PDE8A: variants seen among roughly 807,000 people sequenced by gnomAD.
PDE8A encodes the protein phosphodiesterase 8A.
In PDE8A, 59 loss-of-function variants were observed where a neutral mutation model predicts 105.0. The ratio of observed to expected loss-of-function variants is 0.56; its 90% confidence interval spans 0.46 to 0.70. The LOEUF (loss-of-function observed/expected upper bound fraction) is 0.70. Among genes scored for constraint, PDE8A ranks in the 30% least tolerant of loss-of-function variants. The pLI is 0.00. For missense variants in PDE8A, 1,014 were observed against 1,045.9 expected (o/e 0.97, Z 0.42); for synonymous variants, 355 against 371.9 (o/e 0.95, Z 0.52).
intron 1 of PDE8A, among the ~76,000 whole-genome samples, chr15:85,000,465 A>T (rs541240319): frequency 6.6e-6 from 1 of 152,346 alleles, no homozygotes; most frequent in East Asian, 1.9e-4. Flanking sequence ...TTGGGTAATC[A>T]CATGGTTTTG....
intron 12 of PDE8A, among the ~76,000 whole-genome samples, chr15:85,112,301 G>A (rs2082032488): frequency 6.6e-6 from 1 of 151,940 alleles, no homozygotes; most frequent in Admixed American, 6.6e-5. Flanking sequence ...TTTTTTTGTG[G>A]TGAGAACACT....
chr15:85,115,329 T>G, intron 14 of PDE8A, 110 bp from the exon 15 acceptor site: 12 of 668,652 alleles, frequency 1.8e-5, no homozygotes, highest in Non-Finnish European at 1.8e-5. Context: ...CTTGAGTGCA[T>G]TGGTGGAGAG....
At chr15:84,996,178 AT>A (rs903551972) in intron 1 of PDE8A, among the ~76,000 whole-genome samples, 7 of 135,884 alleles carry the variant, frequency 5.2e-5, no homozygotes, top group African/African-American at 1.9e-4. Flanking sequence ...TGTTTTTAAA[AT>A]TTTTTTTAAT....
chr15:85,084,070 A>G (rs1282734940), intron 6 of PDE8A, among the ~76,000 whole-genome samples: 1 of 150,898 alleles, frequency 6.6e-6, no homozygotes, highest in Admixed American at 6.6e-5. Context: ...TTTTTTTTTA[A>G]GTGACATGAG....
At chr15:85,036,761 A>G (rs2080713364) in intron 1 of PDE8A, among the ~76,000 whole-genome samples, 1 of 152,312 alleles carries the variant, frequency 6.6e-6, no homozygotes, top group East Asian at 1.9e-4. Flanking sequence ...GGAGGGACAC[A>G]GTAGAAGAAT....
At chr15:85,047,870 T>A (rs541930193) in intron 1 of PDE8A, among the ~76,000 whole-genome samples, 1 of 152,208 alleles carries the variant, frequency 6.6e-6, no homozygotes, top group South Asian at 2.1e-4. Flanking sequence ...ATACATACTT[T>A]TTACTCATGC....
chr15:85,048,367 T>C (rs2080919737), intron 1 of PDE8A, among the ~76,000 whole-genome samples: 1 of 152,170 alleles, frequency 6.6e-6, no homozygotes, highest in South Asian at 2.1e-4. Flanking sequence ...TTATTTTTTA[T>C]CTATTTGATC....
chr15:85,004,513 A>AC (rs2080114727), intron 1 of PDE8A, among the ~76,000 whole-genome samples: 1 of 152,184 alleles, frequency 6.6e-6, no homozygotes, highest in African/African-American at 2.4e-5. Flanking sequence ...GTGAAGTCCT[A>AC]CCAAACCTTT....
intron 5 of PDE8A, among the ~76,000 whole-genome samples, chr15:85,081,113 C>T (rs1431540685): frequency 2.6e-5 from 4 of 152,316 alleles, no homozygotes; most frequent in Middle Eastern, 6.8e-3. Context: ...GGGATTCTCC[C>T]AGTCATGGCT....
intron 1 of PDE8A, among the ~76,000 whole-genome samples, chr15:85,061,931 G>C (rs1326584772): frequency 2.0e-5 from 3 of 152,038 alleles, no homozygotes; most frequent in African/African-American, 4.8e-5. Context: ...TTCAGCTCCA[G>C]AAATTATTTT....
chr15:85,011,731 A>G (rs918191636), intron 1 of PDE8A, among the ~76,000 whole-genome samples: 5 of 152,228 alleles, frequency 3.3e-5, no homozygotes. Flanking sequence ...CTGCACAGCA[A>G]AAGAAACTAC....
intron 11 of PDE8A, 46 bp downstream of exon 11, chr15:85,100,244 GA>G (rs770158474): frequency 1.2e-5 from 19 of 1,527,256 alleles, no homozygotes; most frequent in South Asian, 4.6e-5. Flanking sequence ...AGTTTTTGGA[GA>G]AAAAAAATAA....
chr15:84,995,137 C>T (rs1435930296), intron 1 of PDE8A, among the ~76,000 whole-genome samples: 1 of 152,112 alleles, frequency 6.6e-6, no homozygotes, highest in Non-Finnish European at 1.5e-5. Context: ...CAAACGCATA[C>T]ATATATCTGC....
At chr15:85,107,170 C>G (rs1041070291) in intron 11 of PDE8A, among the ~76,000 whole-genome samples, 1 of 152,086 alleles carries the variant, frequency 6.6e-6, no homozygotes, top group Non-Finnish European at 1.5e-5. Context: ...TCAGAGGTAA[C>G]CAGGCGAAGA....
In PDE8A at chr15:85,004,646, A is replaced by G. The variant is rs762648626; in HGVS notation, c.186+22298A>G. On this transcript the variant is annotated intron_variant, in intron 1 of 21. Coordinates refer to ENST00000394553, the MANE Select transcript of PDE8A (RefSeq NM_002605.3). The stretch of plus-strand genomic sequence containing the variant: ...CAACCACAAGCATCCTGGCTGATAC[A>G]ACCAATGAAATGGAAGAGGAATAGG... 1.3e-3 allele frequency among the ~76,000 whole-genome samples: 191 copies of G among 152,182 alleles called. 2 individuals are homozygous for G. Among genetic ancestry groups the G allele is most frequent in the Non-Finnish European group, 2.0e-3 (133 of 68,020 alleles).
chr15:85,024,685 A>G (rs913870130), intron 1 of PDE8A, among the ~76,000 whole-genome samples: 7 of 152,176 alleles, frequency 4.6e-5, no homozygotes, highest in South Asian at 4.1e-4. Flanking sequence ...TTAGCTGCCC[A>G]AAATTTCCCA....
At chr15:85,045,929 T>C (rs919539759) in intron 1 of PDE8A, among the ~76,000 whole-genome samples, 1 of 152,192 alleles carries the variant, frequency 6.6e-6, no homozygotes, top group African/African-American at 2.4e-5. Flanking sequence ...CTGGGTTTTG[T>C]ATACAATTAA....
At chr15:85,088,185 A>C (rs975647100) in intron 6 of PDE8A, among the ~76,000 whole-genome samples, 1 of 152,086 alleles carries the variant, frequency 6.6e-6, no homozygotes, top group Non-Finnish European at 1.5e-5. Flanking sequence ...ATGCCTTGCT[A>C]ATCTTTTTTT....
intron 1 of PDE8A, among the ~76,000 whole-genome samples, chr15:85,023,586 G>A (rs2080464261): frequency 6.6e-6 from 1 of 151,262 alleles, no homozygotes; most frequent in Admixed American, 6.6e-5. Flanking sequence ...AGAATTATTG[G>A]AGGAGGAATT....
Sources: gnomAD v4.1 joint callset for allele counts (sites outside exome capture counted in the v4.1 genomes callset) on GRCh38, gnomAD v4.1.1 for gene constraint, MANE v1.5 for transcripts, NCBI Gene and HGNC (gene_info 2026-07-23, HGNC 2026-07-21) for gene names.